Variants in POGLUT1 observed in about 807,000 individuals in gnomAD.
POGLUT1 encodes the protein 9630046K23Rik.
In POGLUT1, 32 loss-of-function variants were observed where a neutral mutation model predicts 61.3. That is an observed-to-expected ratio of 0.52 (90% CI 0.39 to 0.70). The LOEUF (loss-of-function observed/expected upper bound fraction) is 0.70, where lower values mean the gene tolerates loss of function less well. Among genes scored for constraint, POGLUT1 ranks in the 30% least tolerant of loss-of-function variants. The probability of loss-of-function intolerance (pLI) is 0.00; values close to 1 mark genes in which losing one functional copy is unlikely to be tolerated. For missense variants in POGLUT1, 411 were observed against 469.8 expected, an observed-to-expected ratio of 0.87 and a Z score of 1.16; for synonymous variants, 158 against 158.2, an observed-to-expected ratio of 1.00 and a Z score of 0.01.
At chr3:119,481,079 A>C (rs2081601172) in intron 5 of POGLUT1, among the ~76,000 whole-genome samples, 1 of 152,150 alleles carries the variant, frequency 6.6e-6, no homozygotes, top group Admixed American at 6.5e-5. Context: ...TCTTTAAATA[A>C]GAGTGCATTC....
chr3:119,485,251 T>A, intron 5 of POGLUT1, 77 bp from the exon 6 acceptor site: 1 of 889,808 alleles, frequency 1.1e-6, no homozygotes, highest in Non-Finnish European at 1.8e-6. Context: ...TCTGAACTAA[T>A]CTTCAGAAAT....
chr3:119,477,701 G>A (rs764367339), intron 4 of POGLUT1, among the ~76,000 whole-genome samples: 1 of 152,202 alleles, frequency 6.6e-6, no homozygotes, highest in African/African-American at 2.4e-5. Flanking sequence ...GGCGTGAGAG[G>A]CCTGAGAAAC....
intron 10 of POGLUT1, 81 bp from the exon 11 acceptor site, chr3:119,492,201 A>T: frequency 9.8e-7 from 1 of 1,016,552 alleles, no homozygotes; most frequent in Admixed American, 2.4e-5. Context: ...AATGCTTGGC[A>T]CAAGGTGAGC....
At chr3:119,469,382 GC>G (rs550224045) in intron 1 of POGLUT1, 188 of 574,196 alleles carry the variant, frequency 3.3e-4, no homozygotes, top group African/African-American at 2.2e-3. Context: ...CCCGTGCTTG[GC>G]TACTCTGGAC....
intron 2 of POGLUT1, 109 bp downstream of exon 2, chr3:119,470,019 T>C (rs982547666): frequency 1.4e-6 from 1 of 704,960 alleles, no homozygotes; most frequent in Non-Finnish European, 2.5e-6. Flanking sequence ...CAAGGATGTT[T>C]TTCTATTTCT....
intron 5 of POGLUT1, among the ~76,000 whole-genome samples, chr3:119,483,332 C>T (rs1003622286): frequency 6.6e-6 from 1 of 152,142 alleles, no homozygotes; most frequent in African/African-American, 2.4e-5. Context: ...GGAATTTTTG[C>T]AGTGAGTCTT....
chr3:119,477,598 G>A (rs888174437), intron 4 of POGLUT1, 150 bp downstream of exon 4: 2 of 696,750 alleles, frequency 2.9e-6, no homozygotes, highest in South Asian at 1.8e-5. Flanking sequence ...TAGCATCACA[G>A]TGATTGAGCA....
chr3:119,472,199 T>G (rs1313270455), intron 3 of POGLUT1, among the ~76,000 whole-genome samples: 2 of 148,760 alleles, frequency 1.3e-5, no homozygotes, highest in East Asian at 2.0e-4. Flanking sequence ...ATTTTTGGAG[T>G]TTGTTTTTTT....
chr3:119,477,070 T>G (rs1235783898), intron 3 of POGLUT1, among the ~76,000 whole-genome samples: 1 of 152,236 alleles, frequency 6.6e-6, no homozygotes, highest in African/African-American at 2.4e-5. Context: ...CTATGACGAT[T>G]TATTTGGAAA....
intron 5 of POGLUT1, 68 bp downstream of exon 5, chr3:119,480,240 A>C: frequency 1.5e-6 from 2 of 1,294,140 alleles, no homozygotes; most frequent in East Asian, 2.5e-5. Context: ...ATAGAATATA[A>C]CCAATTATTT....
In POGLUT1 at chr3:119,493,205, G is replaced by A. The variant is rs1035016486; in HGVS notation, c.*767G>A. On this transcript the variant is annotated 3_prime_UTR_variant, in exon 11 of 11. Transcript: ENST00000295588. ...ATTTAATGGAACTATACATAGAACA[G>A]CAGCTCTTCCTCACCCTTTGCATAC... is the stretch of plus-strand genomic sequence containing the variant. 2.0e-5 allele frequency: 3 copies of A among 149,874 alleles called. No individual in the cohort carries two copies. The highest frequency in any genetic ancestry group is 7.4e-5 in the African/African-American group (3 of 40,416). The allele number at this position is 149,874 out of a possible 1,614,324, so 9.3% of individuals were successfully genotyped here. A position where few individuals can be genotyped will look rare whatever the true frequency, so the allele number is the denominator to read the frequency against.
In POGLUT1 at chr3:119,494,555, T is replaced by A. The variant is rs2081792533; in HGVS notation, c.*2117T>A. 6.5e-6 allele frequency: 1 copy of A among 152,672 alleles called. No individual in the cohort carries two copies. Among genetic ancestry groups the A allele is most frequent in the African/African-American group, 2.4e-5 (1 of 41,462 alleles). 9.5% of individuals were successfully genotyped at this position (152,672 alleles called of 1,614,324 possible). ...ATGTAAATTGTTTTTGAAAATAATT[T>A]GTTTCCCCACAACTTTTGAAGGTTT... On this transcript the variant is annotated 3_prime_UTR_variant, in exon 11 of 11. Coordinates refer to ENST00000295588, the MANE Select transcript of POGLUT1 (RefSeq NM_152305.3).
At chr3:119,491,641 T>A in intron 10 of POGLUT1, 67 bp downstream of exon 10, 1 of 739,828 alleles carries the variant, frequency 1.4e-6, no homozygotes, top group Non-Finnish European at 2.3e-6. Context: ...CTAGCCAAAG[T>A]TATCTGAATA....
In POGLUT1 at chr3:119,471,384, G is replaced by A; in HGVS notation, c.252G>A (p.Lys84=). The change falls in exon 3 of 11, where the codon AAG becomes AAA. Residue 84 remains lysine (K), a synonymous_variant. Transcript: ENST00000295588. ...TGATGGCAGAGGTAGTCAGACGGAA[G>A]CTAGGGACCCACTATCAGATCACTA... The part of the protein sequence containing the change: ...RKMMAEVVRR[K]LGTHYQITKN... 1 of 1,613,978 alleles carries A rather than the reference G, an allele frequency of 6.2e-7. No homozygotes were observed. Among genetic ancestry groups the A allele is most frequent in the Non-Finnish European group, 8.5e-7 (1 of 1,179,826 alleles).
intron 2 of POGLUT1, 57 bp from the exon 3 acceptor site, chr3:119,471,252 G>A (rs1577075624): frequency 1.3e-6 from 2 of 1,541,624 alleles, no homozygotes; most frequent in South Asian, 2.2e-5. Context: ...TAGGAAGTAG[G>A]TGGAATGGCA....
intron 5 of POGLUT1, among the ~76,000 whole-genome samples, chr3:119,482,622 C>T (rs2081618943): frequency 6.6e-6 from 1 of 152,102 alleles, no homozygotes; most frequent in Non-Finnish European, 1.5e-5. Flanking sequence ...TGAATTTATT[C>T]ATGGTTATAG....
In POGLUT1 at chr3:119,480,053, A is replaced by G; in HGVS notation, c.459A>G (p.Thr153=). 6.2e-7 allele frequency: 1 copy of G among 1,613,742 alleles called. No homozygotes were observed. The highest frequency in any genetic ancestry group is 2.2e-5 in the East Asian group (1 of 44,852). The change falls in exon 5 of 11, where the codon ACA becomes ACG. Residue 153 remains threonine (T), a splice_region_variant and synonymous_variant. Transcript: ENST00000295588. The part of the protein sequence containing the change: ...PAIPVFSFSK[T]SEYHDIMYPA... ...CGACCTGTCTGTTTTTGTTGAAGAC[A>G]TCAGAGTACCATGATATCATGTATC...
Position 119,491,343 on chromosome 3 carries a change from G to T in POGLUT1, c.966-175G>T, listed in dbSNP as rs6763253. On this transcript the variant is annotated intron_variant, in intron 9 of 10. Transcript: ENST00000295588. ...GGGTATCTTTAATCAGTGTGTGGGG[G>T]TTTTTTTTTGTTATTATTTTGTTCT... is the stretch of plus-strand genomic sequence containing the variant. Among the ~76,000 whole-genome samples the T allele has an allele frequency of 0.55, 81,973 of 149,450 alleles. 22,623 individuals carry two copies. The highest frequency in any genetic ancestry group is 0.61 in the African/African-American group (25,013 of 40,966).
intron 5 of POGLUT1, among the ~76,000 whole-genome samples, chr3:119,484,089 A>G (rs907982727): frequency 6.6e-6 from 1 of 152,164 alleles, no homozygotes; most frequent in African/African-American, 2.4e-5. Flanking sequence ...AGGAAGAAGT[A>G]TGGGGAAAAC....
Sources: gnomAD v4.1 joint callset for allele counts (sites outside exome capture counted in the v4.1 genomes callset) on GRCh38, gnomAD v4.1.1 for gene constraint, MANE v1.5 for transcripts, NCBI Gene and HGNC (gene_info 2026-07-23, HGNC 2026-07-21) for gene names.